The following PACRG variants were observed in gnomAD, a reference collection of about 807,000 sequenced individuals.
PACRG encodes parkin coregulated.
PACRG carries 29 observed loss-of-function variants against 29.7 expected under a neutral mutation model. That is an observed-to-expected ratio of 0.98 (90% CI 0.73 to 1.33). The LOEUF (loss-of-function observed/expected upper bound fraction) is 1.33, where lower values mean the gene tolerates loss of function less well. PACRG is among the 40% of genes most tolerant of loss of function. The pLI is 0.00. For synonymous variants in PACRG, 116 were observed against 118.7 expected, an observed-to-expected ratio of 0.98 and a Z score of 0.15; for missense variants, 279 against 316.2, an observed-to-expected ratio of 0.88 and a Z score of 0.89.
At chr6:162,729,797 A>C (rs1779610726) in intron 1 of PACRG, among the ~76,000 whole-genome samples, 1 of 151,976 alleles carries the variant, frequency 6.6e-6, no homozygotes, top group Admixed American at 6.6e-5. Flanking sequence ...CTTTAATATA[A>C]TCTTACACCT....
intron 1 of PACRG, among the ~76,000 whole-genome samples, chr6:162,754,977 C>T (rs1470886223): frequency 6.6e-6 from 1 of 152,108 alleles, no homozygotes; most frequent in African/African-American, 2.4e-5. Context: ...TTACTTACTA[C>T]TGGTCTGTTC....
intron 2 of PACRG, among the ~76,000 whole-genome samples, chr6:162,985,167 A>G (rs1802778535): frequency 1.3e-5 from 2 of 152,118 alleles, no homozygotes; most frequent in Non-Finnish European, 2.9e-5. Context: ...ACTATTCCAA[A>G]AGATAGAGAA....
At chr6:163,199,470 A>G (rs1780607635) in intron 4 of PACRG, among the ~76,000 whole-genome samples, 1 of 152,146 alleles carries the variant, frequency 6.6e-6, no homozygotes, top group African/African-American at 2.4e-5. Context: ...CCCAGGGACT[A>G]TTATCATCCC....
intron 4 of PACRG, among the ~76,000 whole-genome samples, chr6:163,300,480 C>T (rs1459624428): frequency 6.6e-6 from 1 of 152,192 alleles, no homozygotes; most frequent in African/African-American, 2.4e-5. Flanking sequence ...GAAGCCTCCG[C>T]CCTCACTCTC....
At chr6:163,281,899 A>C (rs1784237762) in intron 4 of PACRG, among the ~76,000 whole-genome samples, 1 of 152,206 alleles carries the variant, frequency 6.6e-6, no homozygotes, top group African/African-American at 2.4e-5. Flanking sequence ...TTTCTTATTA[A>C]AACAAAATCT....
At chr6:162,871,957 A>G (rs1030444477) in intron 2 of PACRG, among the ~76,000 whole-genome samples, 12 of 152,140 alleles carry the variant, frequency 7.9e-5, no homozygotes, top group African/African-American at 1.2e-4. Flanking sequence ...ACAAAAAAAA[A>G]CAAAAGACTA....
chr6:163,280,598 A>T (rs1279735422), intron 4 of PACRG, among the ~76,000 whole-genome samples: 1 of 152,172 alleles, frequency 6.6e-6, no homozygotes, highest in Non-Finnish European at 1.5e-5. Flanking sequence ...AAAAATGTAT[A>T]ATCTCACATT....
At chr6:163,114,162 A>T (rs915631316) in intron 4 of PACRG, among the ~76,000 whole-genome samples, 1 of 152,176 alleles carries the variant, frequency 6.6e-6, no homozygotes, top group African/African-American at 2.4e-5. Context: ...AGGCACAAGA[A>T]TTGCTTGAAC....
At chr6:163,098,082 C>A (rs960504272) in intron 4 of PACRG, among the ~76,000 whole-genome samples, 1 of 152,106 alleles carries the variant, frequency 6.6e-6, no homozygotes, top group Non-Finnish European at 1.5e-5. Flanking sequence ...AAGTAAGCCA[C>A]GTTATATAGG....
Position 163,181,223 on chromosome 6 carries a change from C to T in PACRG, c.613+91815C>T, listed in dbSNP as rs184346498. On this transcript the variant is annotated intron_variant, in intron 4 of 4. Transcript: ENST00000366888. Reference sequence around the variant, plus strand: ...GAAACCTACTTGCCTGACCATTTTACTCCCATACCTCGGGCTATCTTGCAA... The same window carrying T: ...GAAACCTACTTGCCTGACCATTTTATTCCCATACCTCGGGCTATCTTGCAA... 1.3e-3 allele frequency among the ~76,000 whole-genome samples: 202 copies of T among 152,282 alleles called. 1 individual carries two copies. The highest frequency in any genetic ancestry group is 4.4e-3 in the African/African-American group (184 of 41,540).
chr6:163,160,238 C>T (rs550287780), intron 4 of PACRG, among the ~76,000 whole-genome samples: 9 of 152,130 alleles, frequency 5.9e-5, no homozygotes, highest in African/African-American at 2.2e-4. Context: ...AAAGATTCTA[C>T]AGCCATTTTA....
At chr6:162,990,322 C>G (rs1440034164) in intron 2 of PACRG, among the ~76,000 whole-genome samples, 1 of 151,848 alleles carries the variant, frequency 6.6e-6, no homozygotes, top group African/African-American at 2.4e-5. Flanking sequence ...CACTGACTTC[C>G]ACAATGGTTG....
At chr6:162,947,461 A>C (rs1193365683) in intron 2 of PACRG, among the ~76,000 whole-genome samples, 41 of 23,418 alleles carry the variant, frequency 1.8e-3, no homozygotes, top group East Asian at 0.017. Context: ...CATATATATA[A>C]TCATATATAA....
chr6:163,089,134 G>T, intron 3 of PACRG, 125 bp from the exon 4 acceptor site: 2 of 872,428 alleles, frequency 2.3e-6, no homozygotes, highest in Non-Finnish European at 3.4e-6. Context: ...AATAATAAAG[G>T]CCCATTGGTC....
At chr6:162,932,188 T>C (rs538485732) in intron 2 of PACRG, among the ~76,000 whole-genome samples, 2 of 152,108 alleles carry the variant, frequency 1.3e-5, no homozygotes, top group African/African-American at 2.4e-5. Flanking sequence ...TGTTTCCATT[T>C]ATATAAAACT....
chr6:163,274,137 C>T (rs190086463), intron 4 of PACRG, among the ~76,000 whole-genome samples: 8 of 152,192 alleles, frequency 5.3e-5, no homozygotes, highest in Admixed American at 4.6e-4. Context: ...CCCATTAACT[C>T]GTCATTTACA....
intron 1 of PACRG, among the ~76,000 whole-genome samples, chr6:162,783,230 A>G (rs1233693786): frequency 6.6e-6 from 1 of 151,980 alleles, no homozygotes; most frequent in Non-Finnish European, 1.5e-5. Flanking sequence ...TTAATAGAAA[A>G]TATATTTGTT....
rs554960066 is a variant in PACRG, at chr6:162,847,917, G to T, written c.291+33636G>T. 3.6e-4 allele frequency among the ~76,000 whole-genome samples: 55 copies of T among 152,234 alleles called. 1 individual carries two copies. In the South Asian group the frequency reaches 5.4e-3, roughly 15 times the overall value. ...CCCTGAAAGGTTTTAAGGAGGAAGA[G>T]GCCTGAGCAGATTTGCCTTTCAGAA... On this transcript the variant is annotated intron_variant, in intron 2 of 4. Coordinates refer to ENST00000366888, the MANE Select transcript of PACRG (RefSeq NM_001080379.2).
intron 2 of PACRG, among the ~76,000 whole-genome samples, chr6:162,937,329 C>A (rs764503809): frequency 6.6e-6 from 1 of 152,154 alleles, no homozygotes; most frequent in Non-Finnish European, 1.5e-5. Flanking sequence ...ACATTTCAAA[C>A]ACAACCACAG....
Sources: gnomAD v4.1 joint callset for allele counts (sites outside exome capture counted in the v4.1 genomes callset) on GRCh38, gnomAD v4.1.1 for gene constraint, MANE v1.5 for transcripts, NCBI Gene and HGNC (gene_info 2026-07-23, HGNC 2026-07-21) for gene names.